KIF26B: variants seen among roughly 807,000 people sequenced by gnomAD.
KIF26B encodes the protein kinesin family member 26B, also known as kinesin-like protein KIF26B.
In KIF26B, 63 loss-of-function variants were observed where a neutral mutation model predicts 151.2. That is an observed-to-expected ratio of 0.42 (90% confidence interval 0.34 to 0.51). KIF26B has a LOEUF of 0.51. KIF26B is among the 20% of genes least tolerant of loss of function. The pLI, the probability that KIF26B is intolerant of heterozygous loss-of-function variation, is 0.07. For synonymous variants in KIF26B, 1,357 were observed against 1,262.1 expected (o/e 1.08, Z -1.59); for missense variants, 2,813 against 2,913.6 (o/e 0.97, Z 0.79).
chr1:245,498,617 C>T (rs1489541541), intron 4 of KIF26B, among the ~76,000 whole-genome samples: 1 of 152,166 alleles, frequency 6.6e-6, no homozygotes, highest in Non-Finnish European at 1.5e-5. Context: ...AAAGATAGTT[C>T]AAATCTGTGT....
intron 2 of KIF26B, among the ~76,000 whole-genome samples, chr1:245,349,559 CAAAAAAA>C (rs58254627): frequency 9.2e-5 from 7 of 75,834 alleles, no homozygotes; most frequent in Non-Finnish European, 1.7e-4. Flanking sequence ...AAATAAACTT[CAAAAAAA>C]AAAAAAAAAA....
chr1:245,697,739 A>G (rs1401845104), intron 12 of KIF26B, among the ~76,000 whole-genome samples: 2 of 152,052 alleles, frequency 1.3e-5, no homozygotes, highest in African/African-American at 4.8e-5. Flanking sequence ...AAAGATTGAA[A>G]TTCAGGCTTC....
Position 245,540,726 on chromosome 1 carries a change from G to C in KIF26B, c.1167-41G>C. ...CGAAGTAAGCCTAGCAGATCTGATC[G>C]TACAATCATTTTCCCCTTATTGTTC... On this transcript the variant is annotated intron_variant, in intron 4 of 14. Coordinates refer to ENST00000407071, the MANE Select transcript of KIF26B (RefSeq NM_018012.4). This position sits in a 1 kb window ranked among gnomAD's most constrained non-coding sequence, Gnocchi z 4.6. 6.4e-7 allele frequency: 1 copy of C among 1,554,074 alleles called. No homozygotes were observed. The highest frequency in any genetic ancestry group is 1.7e-5 in the Admixed American group (1 of 59,946).
chr1:245,400,491 T>G (rs1034744870), intron 3 of KIF26B, among the ~76,000 whole-genome samples: 70 of 150,812 alleles, frequency 4.6e-4, no homozygotes, highest in Non-Finnish European at 4.4e-4. Flanking sequence ...ATAGTGAGTT[T>G]TTTTTTTTTT....
At chr1:245,628,251 A>AG (rs200245691) in intron 9 of KIF26B, among the ~76,000 whole-genome samples, 13,825 of 152,236 alleles carry the variant, frequency 0.091, 778 homozygotes, top group Admixed American at 0.18. Context: ...AGGGGAGCCA[A>AG]GCAGGTGGAT....
chr1:245,477,901 T>C (rs1427301437), intron 4 of KIF26B, among the ~76,000 whole-genome samples: 7 of 151,790 alleles, frequency 4.6e-5, no homozygotes, highest in Admixed American at 4.6e-4. Context: ...GCATATAATT[T>C]ACTGGTTTTT....
In KIF26B at chr1:245,453,587, C is replaced by T. The variant is rs147540037; in HGVS notation, c.1166+33842C>T. ...TCATGTGGTTTTGCATTTTTGAAAG[C>T]GGTTGCCATGTATCTGGTATAAAAA... On this transcript the variant is annotated intron_variant, in intron 4 of 14. Transcript: ENST00000407071. Among the ~76,000 whole-genome samples, 1,071 of 152,232 alleles carry T rather than the reference C, an allele frequency of 7.0e-3. 14 individuals carry two copies. Among genetic ancestry groups the T allele is most frequent in the African/African-American group, 0.018 (768 of 41,516 alleles).
At chr1:245,666,450 G>A (rs1186905228) in intron 10 of KIF26B, among the ~76,000 whole-genome samples, 15 of 152,102 alleles carry the variant, frequency 9.9e-5, no homozygotes, top group Non-Finnish European at 1.5e-4. Flanking sequence ...AGACTTCTAG[G>A]CAAGTGAGCA....
chr1:245,631,616 A>C (rs768815519), intron 9 of KIF26B, among the ~76,000 whole-genome samples: 13 of 152,142 alleles, frequency 8.5e-5, no homozygotes, highest in Non-Finnish European at 1.6e-4. Flanking sequence ...TGGTTGCGTG[A>C]ATTAGGAAGA....
intron 2 of KIF26B, among the ~76,000 whole-genome samples, chr1:245,182,475 G>T (rs987421379): frequency 6.6e-6 from 1 of 152,056 alleles, no homozygotes; most frequent in African/African-American, 2.4e-5. Flanking sequence ...CCATTCACCA[G>T]TCGATGGCTA....
rs143877590 is a variant in KIF26B at position 245,570,710 on chromosome 1, G to A, written c.1350+29760G>A. 1.6e-3 allele frequency among the ~76,000 whole-genome samples: 249 copies of A among 152,324 alleles called. 1 individual carries two copies. Among genetic ancestry groups the A allele is most frequent in the African/African-American group, 5.8e-3 (241 of 41,570 alleles). On this transcript the variant is annotated intron_variant, in intron 5 of 14. Transcript: ENST00000407071. ...AGCTCTTGGTGTTTGCTCTTCGACT[G>A]TGGACCTCTGTGGATGGTAGACAAT...
chr1:245,540,787 T>C lies in KIF26B; in HGVS notation c.1187T>C (p.Leu396Pro), dbSNP rs770012151. The change falls in exon 5 of 15, where the codon CTG (leucine) becomes CCG (proline). Residue 396 changes from leucine (L) to proline (P), a missense_variant. This residue lies in a region of KIF26B where 676 missense variants were observed against 688.1 expected (regional missense o/e 0.98). Transcript: ENST00000407071. This position sits in a 1 kb window ranked among gnomAD's most constrained non-coding sequence, Gnocchi z 4.6. Reference sequence around the variant, plus strand: ...TCCAGAGCTGCCCAGAAGTTAAATCTGTCTTCTAAAAAGAAGAAACATCGG... The same window carrying C: ...TCCAGAGCTGCCCAGAAGTTAAATCCGTCTTCTAAAAAGAAGAAACATCGG... ...FFARAAQKLN[L>P]SSKKKKHRPS... is the part of the protein sequence containing the mutation. The C allele has an allele frequency of 6.2e-7, 1 of 1,614,020 alleles. No individual in the cohort carries two copies. Among genetic ancestry groups the C allele is most frequent in the Non-Finnish European group, 8.5e-7 (1 of 1,179,884 alleles).
chr1:245,609,227 A>T, intron 7 of KIF26B, 39 bp from the exon 8 acceptor site: 1 of 1,550,734 alleles, frequency 6.4e-7, no homozygotes, highest in South Asian at 1.3e-5. Context: ...TGATGCCTGG[A>T]CACTGAACCT....
intron 2 of KIF26B, among the ~76,000 whole-genome samples, chr1:245,336,063 A>G (rs111626549): frequency 0.015 from 1,329 of 86,034 alleles, 20 homozygotes; most frequent in African/African-American, 0.046. Flanking sequence ...GGGAAAGGAG[A>G]GTCCCACGCA....
chr1:245,385,741 C>T (rs1472124435), intron 3 of KIF26B, among the ~76,000 whole-genome samples: 1 of 152,196 alleles, frequency 6.6e-6, no homozygotes, highest in Non-Finnish European at 1.5e-5. Flanking sequence ...CGTGAAGCCA[C>T]GTGTACTCAG....
chr1:245,362,284 G>A (rs985105356), intron 2 of KIF26B, among the ~76,000 whole-genome samples: 2 of 149,548 alleles, frequency 1.3e-5, no homozygotes, highest in Non-Finnish European at 3.0e-5. Flanking sequence ...ATCCCAGCAC[G>A]TTGGGAGGCC....
chr1:245,514,192 G>C (rs1266493893), intron 4 of KIF26B, among the ~76,000 whole-genome samples: 1 of 152,084 alleles, frequency 6.6e-6, no homozygotes, highest in African/African-American at 2.4e-5. Flanking sequence ...ACAATGTGTT[G>C]TACATGATAA....
In KIF26B at chr1:245,653,823, G is replaced by T. The variant is rs1454188000; in HGVS notation, c.2258+7543G>T. Among the ~76,000 whole-genome samples, 7 of 152,164 alleles carry T rather than the reference G, an allele frequency of 4.6e-5. 1 individual carries two copies. The highest frequency in any genetic ancestry group is 2.6e-4 in the Admixed American group (4 of 15,276). ...ACCTATAATCTCAGCACTTTGGAAG[G>T]CCTAGGCAGGAGGATCACTTGAGCC... is the stretch of plus-strand genomic sequence containing the variant. On this transcript the variant is annotated intron_variant, in intron 10 of 14. Transcript: ENST00000407071.
intron 3 of KIF26B, among the ~76,000 whole-genome samples, chr1:245,417,706 C>T (rs1429836693): frequency 6.6e-6 from 1 of 152,244 alleles, no homozygotes; most frequent in Non-Finnish European, 1.5e-5. Flanking sequence ...TGTGAACCCA[C>T]AGGTCGCTGA....
Sources: gnomAD v4.1 joint callset for allele counts (sites outside exome capture counted in the v4.1 genomes callset) on GRCh38, gnomAD v4.1.1 for gene constraint, gnomAD v4.1.1 regional missense constraint, Gnocchi (gnomAD v3.1) non-coding constraint, MANE v1.5 for transcripts, NCBI Gene and HGNC (gene_info 2026-07-23, HGNC 2026-07-21) for gene names.